SELP: variants seen among roughly 807,000 people sequenced by gnomAD.
SELP encodes P-selectin.
In SELP, 92 loss-of-function variants were observed where a neutral mutation model predicts 104.1. The ratio of observed to expected loss-of-function variants is 0.88; its 90% confidence interval spans 0.75 to 1.05. The LOEUF (loss-of-function observed/expected upper bound fraction) is 1.05, where lower values mean the gene tolerates loss of function less well. Ranked by LOEUF, SELP falls within the 50% of genes least tolerant of loss-of-function variation. The probability of loss-of-function intolerance (pLI) is 0.00; values close to 1 mark genes in which losing one functional copy is unlikely to be tolerated. For synonymous variants in SELP, 397 were observed against 364.5 expected (o/e 1.09, Z -1.01); for missense variants, 1,022 against 1,017.3 (o/e 1.00, Z -0.06).
chr1:169,609,856 C>T (rs1662415492), intron 7 of SELP, among the ~76,000 whole-genome samples, 167 bp from the exon 8 acceptor site: 1 of 152,118 alleles, frequency 6.6e-6, no homozygotes, highest in African/African-American at 2.4e-5. Context: ...TTCCCATGCC[C>T]CTCTTGGCCT....
chr1:169,628,173 G>A (rs1239828642), intron 1 of SELP, among the ~76,000 whole-genome samples: 2 of 152,230 alleles, frequency 1.3e-5, no homozygotes, highest in Non-Finnish European at 2.9e-5. Context: ...TGGGATTACA[G>A]GCATGAGCCA....
intron 2 of SELP, among the ~76,000 whole-genome samples, chr1:169,618,290 A>G (rs957455798): frequency 8.5e-5 from 13 of 152,230 alleles, no homozygotes; most frequent in East Asian, 5.8e-4. Context: ...TAGTCTTTCC[A>G]TTCTTCTTGG....
chr1:169,607,493 T>C (rs994004727), intron 8 of SELP, among the ~76,000 whole-genome samples: 2 of 152,120 alleles, frequency 1.3e-5, no homozygotes, highest in Admixed American at 6.5e-5. Context: ...ACAAATGCCA[T>C]TAATTGAGGG....
chr1:169,615,089 A>G (rs1405206936), intron 3 of SELP, among the ~76,000 whole-genome samples: 3 of 152,180 alleles, frequency 2.0e-5, no homozygotes, highest in Admixed American at 6.5e-5. Context: ...ATTCCTTTGG[A>G]TCTCCAGGGA....
At chr1:169,591,489 TAAA>T in intron 14 of SELP, 33 bp from the exon 15 acceptor site, 5 of 1,244,936 alleles carry the variant, frequency 4.0e-6, no homozygotes, top group South Asian at 1.5e-5. Context: ...AATGAATGAT[TAAA>T]AAAAAAAAAC....
chr1:169,627,469 T>G (rs1231976466), intron 1 of SELP, among the ~76,000 whole-genome samples: 2 of 152,248 alleles, frequency 1.3e-5, no homozygotes, highest in African/African-American at 4.8e-5. Context: ...TTAAAAAGTC[T>G]ATTGGATCAG....
chr1:169,613,079 C>A lies in SELP; in HGVS notation c.625G>T (p.Val209Leu). The change falls in exon 5 of 17, where the codon GTG becomes TTG. Residue 209 changes from valine to leucine, a missense_variant. Coordinates refer to ENST00000263686, the MANE Select transcript of SELP (RefSeq NM_003005.4). Reference protein sequence around the residue: ...ECGELELPQHVLMNCSHPLGN... With the variant: ...ECGELELPQHLLMNCSHPLGN... ...AGAGGGTGGCTGCAGTTCATGAGCACGTGTTGAGGGAGCTCAAGTTCTCCA... is the reference window on the plus strand; with the variant it reads ...AGAGGGTGGCTGCAGTTCATGAGCAAGTGTTGAGGGAGCTCAAGTTCTCCA... 6.2e-7 allele frequency: 1 copy of A among 1,611,972 alleles called. No individual in the cohort carries two copies. The highest frequency in any genetic ancestry group is 8.5e-7 in the Non-Finnish European group (1 of 1,178,836).
chr1:169,621,655 T>C (rs938362802), intron 1 of SELP, among the ~76,000 whole-genome samples: 1 of 152,210 alleles, frequency 6.6e-6, no homozygotes. Flanking sequence ...AGTAGAGTTA[T>C]CTCATAAGCC....
In SELP at chr1:169,617,034, A is replaced by T. The variant is rs1401174389; in HGVS notation, c.475T>A (p.Tyr159Asn). ...AAAGTAGAGAAGGCCCTACCTGTGT[A>T]ACACAATGCGTGCTTTTTCTTCAAG... ...HCLKKKHALC[Y>N]TASCQDMSCS... The change falls in exon 3 of 17, where the codon TAC (tyrosine) becomes AAC (asparagine). Residue 159 changes from tyrosine (Y) to asparagine (N), a missense_variant. Physicochemically the swap from Tyr to Asn is moderately radical, Grantham distance 143 (BLOSUM62 -2). Transcript: ENST00000263686. 1.9e-6 allele frequency: 3 copies of T among 1,608,182 alleles called. No individual in the cohort carries two copies. The highest frequency in any genetic ancestry group is 2.5e-6 in the Non-Finnish European group (3 of 1,177,070).
chr1:169,618,107 C>T (rs1662914642), intron 2 of SELP, among the ~76,000 whole-genome samples: 1 of 152,222 alleles, frequency 6.6e-6, no homozygotes, highest in Non-Finnish European at 1.5e-5. Flanking sequence ...CAGTCTACAT[C>T]TGCCAGGTTG....
intron 10 of SELP, among the ~76,000 whole-genome samples, chr1:169,600,792 G>A (rs1321647493): frequency 6.6e-6 from 1 of 152,188 alleles, no homozygotes; most frequent in Non-Finnish European, 1.5e-5. Flanking sequence ...CCTAAATTTA[G>A]AGCATAAATT....
rs112581049 is a variant in SELP at position 169,607,220 on chromosome 1, G to C, written c.1334-86C>G. On this transcript the variant is annotated intron_variant, in intron 8 of 16. Transcript: ENST00000263686. ...GACCATTAACTCTTTCTAGTGTCAA[G>C]AACAGGGATTCCTGAATTGGGCTTG... 1.3e-4 allele frequency: 150 copies of C among 1,122,824 alleles called. No homozygotes were observed. The African/African-American group carries it at 1.8e-3, about 14-fold the overall frequency. The allele number at this position is 1,122,824 out of a possible 1,614,324, so 69.6% of individuals were successfully genotyped here.
intron 9 of SELP, among the ~76,000 whole-genome samples, chr1:169,604,351 G>A (rs1444432465): frequency 6.6e-6 from 1 of 151,924 alleles, no homozygotes; most frequent in East Asian, 1.9e-4. Flanking sequence ...CTGGATATTA[G>A]CCCTTTGTCA....
intron 8 of SELP, among the ~76,000 whole-genome samples, 178 bp from the exon 9 acceptor site, chr1:169,607,312 A>G (rs1289219524): frequency 6.6e-6 from 1 of 152,198 alleles, no homozygotes; most frequent in Non-Finnish European, 1.5e-5. Context: ...TTATTAGGAA[A>G]TGCTAAACCT....
At chr1:169,616,920 T>C in intron 3 of SELP, 108 bp downstream of exon 3, 4 of 1,224,604 alleles carry the variant, frequency 3.3e-6, no homozygotes, top group Non-Finnish European at 4.5e-6. Context: ...CTTGATTTCA[T>C]GTCCTGCCTT....
chr1:169,613,767 A>G, intron 3 of SELP, 74 bp from the exon 4 acceptor site: 1 of 1,244,820 alleles, frequency 8.0e-7, no homozygotes, highest in Non-Finnish European at 1.2e-6. Context: ...CGTTTTGACC[A>G]CAGACTCATC....
At chr1:169,613,438 T>C (rs1173363799) in intron 4 of SELP, 148 bp downstream of exon 4, 3 of 668,946 alleles carry the variant, frequency 4.5e-6, no homozygotes, top group Non-Finnish European at 8.0e-6. Flanking sequence ...AGAGTGTGTG[T>C]CTAGGGACAC....
At chr1:169,614,958 C>G (rs3917712) in intron 3 of SELP, among the ~76,000 whole-genome samples, 65 of 152,256 alleles carry the variant, frequency 4.3e-4, no homozygotes, top group African/African-American at 1.5e-3. Flanking sequence ...TTGGAGCATA[C>G]AAATGTTTCC....
At chr1:169,616,071 C>T (rs1343804967) in intron 3 of SELP, among the ~76,000 whole-genome samples, 1 of 152,144 alleles carries the variant, frequency 6.6e-6, no homozygotes, top group Non-Finnish European at 1.5e-5. Context: ...TGACACTAGG[C>T]TCGTGACTAG....
Sources: allele counts gnomAD v4.1 joint callset (sites outside exome capture counted in the v4.1 genomes callset), GRCh38; gene constraint gnomAD v4.1.1; transcripts MANE v1.5; gene names NCBI Gene and HGNC (gene_info 2026-07-23, HGNC 2026-07-21).